SCOC: variants seen among roughly 807,000 people sequenced by gnomAD.
SCOC encodes the protein short coiled coil protein.
In SCOC, 7 loss-of-function variants were observed where a neutral mutation model predicts 9.9. That is an observed-to-expected ratio of 0.71 (90% CI 0.40 to 1.33). SCOC has a LOEUF of 1.33. Among genes scored for constraint, SCOC ranks in the 40% most tolerant of loss-of-function variants. The probability of loss-of-function intolerance (pLI) is 0.01; values close to 1 mark genes in which losing one functional copy is unlikely to be tolerated. For missense variants in SCOC, 66 were observed against 89.7 expected, an observed-to-expected ratio of 0.74 and a Z score of 1.07; for synonymous variants, 19 against 28.2, an observed-to-expected ratio of 0.67 and a Z score of 1.03.
rs1423442004 is a variant in SCOC at position 140,278,879 on chromosome 4, CTG to C, written c.-19+21471_-19+21472del. On this transcript the variant is annotated intron_variant, in intron 1 of 4. Coordinates refer to the SCOC transcript ENST00000394205. ...ATTCACTTTGCCCCCCCAACCCCAT[CTG>C]TTCTTCTTGATACAAACAGAACCAA... is the stretch of plus-strand genomic sequence containing the variant. Among the ~76,000 whole-genome samples the C allele has an allele frequency of 3.7e-5, 5 of 135,610 alleles. No individual in the cohort carries two copies. The Admixed American group carries it at 3.9e-4, about 11-fold the overall frequency. 89.0% of individuals were successfully genotyped at this position (135,610 alleles called of 152,430 possible).
upstream of SCOC, among the ~76,000 whole-genome samples, chr4:140,341,370 GACCCTACA>G: frequency 6.6e-6 from 1 of 152,278 alleles, no homozygotes; most frequent in South Asian, 2.1e-4. Flanking sequence ...TAAGAGCACA[GACCCTACA>G]GCCAGAGGGC....
At chr4:140,259,809 G>A (rs1196397047) in intron 1 of SCOC, among the ~76,000 whole-genome samples, 1 of 152,180 alleles carries the variant, frequency 6.6e-6, no homozygotes, top group Non-Finnish European at 1.5e-5. Flanking sequence ...TCATCGTATA[G>A]CATTAGAACC....
At chr4:140,325,022 A>C (rs1426313783) in intron 1 of SCOC, among the ~76,000 whole-genome samples, 1 of 152,130 alleles carries the variant, frequency 6.6e-6, no homozygotes, top group African/African-American at 2.4e-5. Flanking sequence ...TCATAAATAG[A>C]TCTACAGAAA....
chr4:140,286,528 C>T (rs1731274020), intron 1 of SCOC, among the ~76,000 whole-genome samples: 2 of 152,174 alleles, frequency 1.3e-5, no homozygotes, highest in African/African-American at 2.4e-5. Context: ...AGCCAAAAGG[C>T]GATGTAACAC....
At chr4:140,357,966 GTGT>G (rs1727304397) in intron 2 of SCOC, among the ~76,000 whole-genome samples, 1 of 152,000 alleles carries the variant, frequency 6.6e-6, no homozygotes, top group East Asian at 1.9e-4. Flanking sequence ...GCTTTCTGTG[GTGT>G]ATGTCTCCTT....
chr4:140,289,342 G>T (rs998016237), intron 1 of SCOC, among the ~76,000 whole-genome samples: 1 of 152,166 alleles, frequency 6.6e-6, no homozygotes, highest in Non-Finnish European at 1.5e-5. Flanking sequence ...CATATCAGCC[G>T]CCCTTTTCAA....
intron 1 of SCOC, among the ~76,000 whole-genome samples, chr4:140,264,156 C>T (rs185717200): frequency 1.7e-4 from 26 of 152,182 alleles, no homozygotes; most frequent in East Asian, 1.2e-3. Flanking sequence ...TGCACCACCA[C>T]GCCCAGCTAA....
At chr4:140,299,269 CATTGTGAGGGATGT>C (rs1266287900) in intron 1 of SCOC, among the ~76,000 whole-genome samples, 2 of 152,208 alleles carry the variant, frequency 1.3e-5, no homozygotes, top group East Asian at 1.9e-4. Context: ...CTGTGCTAGC[CATTGTGAGGGATGT>C]AAAGTGTGGT....
chr4:140,357,352 T>C (rs1008473865), intron 2 of SCOC, among the ~76,000 whole-genome samples: 8 of 152,192 alleles, frequency 5.3e-5, no homozygotes, highest in African/African-American at 1.2e-4. Context: ...TTTACACTTA[T>C]ATTCACTTCA....
intron 1 of SCOC, among the ~76,000 whole-genome samples, chr4:140,267,725 C>T (rs1470200332): frequency 6.6e-6 from 1 of 152,170 alleles, no homozygotes; most frequent in African/African-American, 2.4e-5. Context: ...GGAACCCCCT[C>T]CTCCCTTTCC....
chr4:140,267,876 T>C (rs1168102639), intron 1 of SCOC, among the ~76,000 whole-genome samples: 3 of 152,182 alleles, frequency 2.0e-5, no homozygotes. Context: ...GTGGTTTCTG[T>C]TTCCTGGTTA....
chr4:140,319,295 TG>T (rs1732427717), intron 1 of SCOC, among the ~76,000 whole-genome samples: 1 of 152,152 alleles, frequency 6.6e-6, no homozygotes, highest in Non-Finnish European at 1.5e-5. Context: ...TTCTCCATGT[TG>T]GTCAGGCTGG....
chr4:140,271,770 C>T (rs1730850326), intron 1 of SCOC, among the ~76,000 whole-genome samples: 2 of 152,170 alleles, frequency 1.3e-5, no homozygotes, highest in Admixed American at 1.3e-4. Flanking sequence ...GTCCCAGGCA[C>T]TGTGCTAGGT....
At chr4:140,266,309 A>T (rs1730727719) in intron 1 of SCOC, among the ~76,000 whole-genome samples, 1 of 152,078 alleles carries the variant, frequency 6.6e-6, no homozygotes, top group African/African-American at 2.4e-5. Context: ...AATATCATAG[A>T]CTTGGTGGCT....
intron 1 of SCOC, among the ~76,000 whole-genome samples, chr4:140,338,148 G>A (rs1733012813): frequency 1.3e-5 from 2 of 152,116 alleles, no homozygotes; most frequent in East Asian, 1.9e-4. Flanking sequence ...TTCAATATAC[G>A]CAAATCAATA....
At chr4:140,371,663 T>C (rs904313538), upstream of SCOC, among the ~76,000 whole-genome samples, 2 of 152,216 alleles carry the variant, frequency 1.3e-5, no homozygotes, top group African/African-American at 2.4e-5. Context: ...TTTCCTAATT[T>C]TCTTTTTGTC....
At chr4:140,266,584 G>A (rs1349055150) in intron 1 of SCOC, among the ~76,000 whole-genome samples, 1 of 152,004 alleles carries the variant, frequency 6.6e-6, no homozygotes, top group Non-Finnish European at 1.5e-5. Flanking sequence ...AATTTGAGAG[G>A]GCACAATCAG....
At chr4:140,292,304 T>C (rs1731499973) in intron 1 of SCOC, among the ~76,000 whole-genome samples, 1 of 151,666 alleles carries the variant, frequency 6.6e-6, no homozygotes, top group African/African-American at 2.4e-5. Flanking sequence ...TTCTCGTGCC[T>C]CACCCTCCCA....
Position 140,373,715 on chromosome 4 carries a change from A to C in SCOC, c.-53A>C, listed in dbSNP as rs1728178741. On this transcript the variant is annotated splice_region_variant and 5_prime_UTR_variant, in exon 1 of 4. Transcript: ENST00000608372. ...CTCCTTCTCCCGGCGCCTCAAGCGG[A>C]AGGTGAGGGCCGTCCCGGGCAGCGG... 6.5e-7 allele frequency: 1 copy of C among 1,546,786 alleles called. No homozygotes were observed. Among genetic ancestry groups the C allele is most frequent in the Non-Finnish European group, 8.7e-7 (1 of 1,146,758 alleles).
Sources: gnomAD v4.1 joint callset for allele counts (sites outside exome capture counted in the v4.1 genomes callset) on GRCh38, gnomAD v4.1.1 for gene constraint, MANE v1.5 for transcripts, NCBI Gene and HGNC (gene_info 2026-07-23, HGNC 2026-07-21) for gene names.